Variants in OPCML observed in about 807,000 individuals in gnomAD.
The protein encoded by OPCML is opioid-binding protein/cell adhesion molecule.
In OPCML, 13 loss-of-function variants were observed where a neutral mutation model predicts 37.8. The ratio of observed to expected loss-of-function variants is 0.34; its 90% CI spans 0.22 to 0.55. OPCML has a LOEUF of 0.55. Among genes scored for constraint, OPCML ranks in the 20% least tolerant of loss-of-function variants. OPCML has a pLI of 0.91. For missense variants in OPCML, 341 were observed against 435.6 expected, an observed-to-expected ratio of 0.78 and a Z score of 1.93; for synonymous variants, 176 against 168.8, an observed-to-expected ratio of 1.04 and a Z score of -0.33.
intron 2 of OPCML, among the ~76,000 whole-genome samples, chr11:132,662,242 G>A (rs1447919293): frequency 2.0e-5 from 3 of 152,108 alleles, no homozygotes; most frequent in East Asian, 3.9e-4. Flanking sequence ...ACAAGTTCCC[G>A]GATACTGCGG....
At chr11:132,809,812 T>C (rs1012607354) in intron 2 of OPCML, among the ~76,000 whole-genome samples, 1 of 151,832 alleles carries the variant, frequency 6.6e-6, no homozygotes, top group African/African-American at 2.4e-5. Flanking sequence ...TGCAGGTTTC[T>C]CTCCCTCCAT....
intron 2 of OPCML, among the ~76,000 whole-genome samples, chr11:132,903,114 T>C (rs79051533): frequency 0.035 from 5,361 of 152,294 alleles, 310 homozygotes; most frequent in African/African-American, 0.12. Flanking sequence ...CTGGCCCTTC[T>C]TTGAGTCTCA....
At chr11:133,304,460 A>G (rs1942860757) in intron 1 of OPCML, among the ~76,000 whole-genome samples, 1 of 152,204 alleles carries the variant, frequency 6.6e-6, no homozygotes, top group Non-Finnish European at 1.5e-5. Flanking sequence ...CTTCCATTTT[A>G]CAGATGCAAA....
At chr11:132,722,025 G>A (rs1252251815) in intron 2 of OPCML, among the ~76,000 whole-genome samples, 9 of 131,946 alleles carry the variant, frequency 6.8e-5, no homozygotes, top group East Asian at 2.5e-4. Flanking sequence ...GAGTGATCTC[G>A]GCTCACTGCA....
Position 132,626,031 on chromosome 11 carries a change from T to C in OPCML, c.379+31056A>G, listed in dbSNP as rs535840198. On this transcript the variant is annotated intron_variant, in intron 3 of 7. Transcript: ENST00000524381. ...TTTCAAGAAACATTCATTGAACTCC[T>C]CCTACAAGGTAGGCACCAGGCCATA... Among the ~76,000 whole-genome samples, 3 of 152,160 alleles carry C rather than the reference T, an allele frequency of 2.0e-5. No homozygotes were observed. The East Asian group carries it at 5.8e-4, about 29-fold the overall frequency.
At chr11:133,484,077 G>C (rs376015182) in intron 1 of OPCML, among the ~76,000 whole-genome samples, 1 of 122,060 alleles carries the variant, frequency 8.2e-6, no homozygotes, top group African/African-American at 4.0e-5. Flanking sequence ...TAGATAGATA[G>C]ATAGATTCAT....
rs1555165712 is a variant in OPCML at position 133,483,973 on chromosome 11, G to GA, written c.61+48290_61+48291insT. Among the ~76,000 whole-genome samples, 259 of 149,248 alleles carry GA rather than the reference G, an allele frequency of 1.7e-3. 2 individuals carry two copies. The highest frequency in any genetic ancestry group is 5.9e-3 in the African/African-American group (236 of 40,172). ...ATAGATAGACAGATTATATAGATAG[G>GA]TAGATAGAAAGATAGCTAGCTAGCT... On this transcript the variant is annotated intron_variant, in intron 1 of 7. Transcript: ENST00000524381.
At chr11:132,951,752 C>T (rs7942655) in intron 1 of OPCML, among the ~76,000 whole-genome samples, 95,466 of 152,002 alleles carry the variant, frequency 0.63, 30,538 homozygotes, top group East Asian at 0.72. Context: ...ATTCCCAAGG[C>T]GTCCAAAGGC....
chr11:133,042,939 C>A (rs1267549238), intron 1 of OPCML, among the ~76,000 whole-genome samples: 1 of 152,100 alleles, frequency 6.6e-6, no homozygotes, highest in Non-Finnish European at 1.5e-5. Flanking sequence ...ACGAGATTAG[C>A]AGAGAAAAGG....
At chr11:133,164,465 G>A (rs1463238335) in intron 1 of OPCML, among the ~76,000 whole-genome samples, 13 of 152,222 alleles carry the variant, frequency 8.5e-5, no homozygotes. Context: ...CTCTTACCCT[G>A]GGAAAATGTC....
chr11:132,500,638 C>T (rs1448210275), intron 4 of OPCML, among the ~76,000 whole-genome samples: 2 of 152,084 alleles, frequency 1.3e-5, no homozygotes, highest in African/African-American at 2.4e-5. Context: ...TGTACATGTG[C>T]CATGGTGGTT....
At chr11:132,937,564 CGTGTGTGTGTG>C (rs1174513081) in intron 2 of OPCML, among the ~76,000 whole-genome samples, 1 of 116,312 alleles carries the variant, frequency 8.6e-6, no homozygotes, top group African/African-American at 3.3e-5. Flanking sequence ...GTGTGTGTGT[CGTGTGTGTGTG>C]GTGTGTGTGG....
At chr11:132,989,233 C>A (rs1469334069) in intron 1 of OPCML, among the ~76,000 whole-genome samples, 5 of 152,112 alleles carry the variant, frequency 3.3e-5, no homozygotes, top group African/African-American at 1.2e-4. Context: ...TTGGTTCAGC[C>A]TAGTCACCAA....
chr11:132,841,976 G>A (rs910067494), intron 2 of OPCML, among the ~76,000 whole-genome samples: 2 of 149,524 alleles, frequency 1.3e-5, no homozygotes, highest in South Asian at 4.3e-4. Context: ...GCATGCTATT[G>A]AAAAGAGAAC....
chr11:132,650,003 T>C (rs1372494041), intron 3 of OPCML, among the ~76,000 whole-genome samples: 1 of 152,032 alleles, frequency 6.6e-6, no homozygotes, highest in African/African-American at 2.4e-5. Flanking sequence ...TCACACAGTT[T>C]TTATAGGTTG....
chr11:133,218,492 G>C (rs929977614), intron 1 of OPCML, among the ~76,000 whole-genome samples: 1 of 152,226 alleles, frequency 6.6e-6, no homozygotes, highest in Non-Finnish European at 1.5e-5. Context: ...CCAAAAAGAA[G>C]CTGAGGTATG....
chr11:132,674,917 T>G (rs1942632728), intron 2 of OPCML, among the ~76,000 whole-genome samples: 1 of 152,190 alleles, frequency 6.6e-6, no homozygotes, highest in Admixed American at 6.5e-5. Context: ...GAAAACTATA[T>G]TATCCACTCT....
intron 1 of OPCML, among the ~76,000 whole-genome samples, chr11:133,070,449 C>G (rs1541883): frequency 0.049 from 7,493 of 152,238 alleles, 288 homozygotes; most frequent in South Asian, 0.13. Flanking sequence ...CCAGCATCGC[C>G]TGGGAGAAAG....
chr11:133,063,042 G>A (rs970425037), intron 1 of OPCML, among the ~76,000 whole-genome samples: 1 of 152,236 alleles, frequency 6.6e-6, no homozygotes, highest in Non-Finnish European at 1.5e-5. Flanking sequence ...TTGGGGTCAT[G>A]GAGTTTTCCC....
Sources: gnomAD v4.1 joint callset for allele counts (sites outside exome capture counted in the v4.1 genomes callset) on GRCh38, gnomAD v4.1.1 for gene constraint, MANE v1.5 for transcripts, NCBI Gene and HGNC (gene_info 2026-07-23, HGNC 2026-07-21) for gene names.